Variants in ANKRD26 observed in about 807,000 individuals in gnomAD.
The protein encoded by ANKRD26 is ankyrin repeat domain-containing protein 26.
ANKRD26 carries 141 observed loss-of-function variants against 208.7 expected under a neutral mutation model. The observed-to-expected ratio is 0.68, with a 90% confidence interval of 0.59 to 0.78. The LOEUF is 0.78. Ranked by LOEUF, ANKRD26 falls within the 30% of genes least tolerant of loss-of-function variation. The pLI is 0.00. For missense variants in ANKRD26, 1,889 were observed against 1,938.7 expected, an observed-to-expected ratio of 0.97 and a Z score of 0.48; for synonymous variants, 636 against 660.4, an observed-to-expected ratio of 0.96 and a Z score of 0.57.
intron 25 of ANKRD26, among the ~76,000 whole-genome samples, chr10:27,030,798 A>G (rs929006415): frequency 3.9e-5 from 6 of 152,206 alleles, no homozygotes; most frequent in Non-Finnish European, 8.8e-5. Flanking sequence ...AAGCTTTATT[A>G]TATCAATGTC....
At chr10:26,951,902 G>A in the ANKRD26 span, among the ~76,000 whole-genome samples, 1 of 152,208 alleles carries the variant, frequency 6.6e-6, no homozygotes, top group Non-Finnish European at 1.5e-5. Context: ...CAACTTGCCT[G>A]CATGCATGAC....
chr10:27,056,936 T>C (rs1014536484), intron 15 of ANKRD26, among the ~76,000 whole-genome samples: 5 of 152,334 alleles, frequency 3.3e-5, no homozygotes, highest in South Asian at 2.1e-4. Context: ...TATTCTCTAA[T>C]AGAAACTAAG....
chr10:27,015,945 C>T (rs551665667), intron 30 of ANKRD26, among the ~76,000 whole-genome samples: 1 of 152,298 alleles, frequency 6.6e-6, no homozygotes, highest in African/African-American at 2.4e-5. Flanking sequence ...CACTCACACA[C>T]TCATATACCC....
chr10:27,017,353 A>G (rs1048653431), intron 30 of ANKRD26, 149 bp downstream of exon 30: 1 of 709,998 alleles, frequency 1.4e-6, no homozygotes, highest in Non-Finnish European at 2.3e-6. Flanking sequence ...GGAAACTGGA[A>G]TATCTAAAGG....
At position 27,035,159 on chromosome 10, in the gene ANKRD26, T is replaced by C. The variant is rs373964484; in HGVS notation, c.3291A>G (p.Val1097=). ...ACTGTGTTTGGCTTAGGTCCTTTTGTACCCGTTCTAAACCCAAAGTCTTTT... is the reference window on the plus strand; with the variant it reads ...ACTGTGTTTGGCTTAGGTCCTTTTGCACCCGTTCTAAACCCAAAGTCTTTT... The part of the protein sequence containing the change: ...LREKTLGLER[V]QKDLSQTQCQ... Residue 1097 remains valine (V), a synonymous_variant, in exon 24 of 34, where the codon GTA becomes GTG. Transcript: ENST00000376087. The C allele has an allele frequency of 1.9e-6, 3 of 1,613,924 alleles. No homozygotes were observed. The African/African-American group carries it at 4.0e-5, about 22-fold the overall frequency.
rs190939964 is a variant in ANKRD26, at chr10:27,093,198, A to G, written c.531+151T>C. On this transcript the variant is annotated intron_variant, in intron 3 of 33. Coordinates refer to ENST00000376087, the MANE Select transcript of ANKRD26 (RefSeq NM_014915.3). ...TGCTTCTTTAAAAGTATCAACATTT[A>G]AAGTAAAATCTTAGACAATTAAGTT... 7 of 761,478 alleles carry G rather than the reference A, an allele frequency of 9.2e-6. No individual in the cohort carries two copies. The Admixed American group carries it at 9.5e-5, about 10-fold the overall frequency. 47.2% of individuals were successfully genotyped at this position (761,478 alleles called of 1,614,324 possible).
intron 18 of ANKRD26, 69 bp from the exon 19 acceptor site, chr10:27,044,259 G>T (rs1024370534): frequency 2.3e-6 from 3 of 1,277,836 alleles, no homozygotes; most frequent in Admixed American, 2.4e-5. Flanking sequence ...TAAAACTATT[G>T]TTTTTTTAAA....
chr10:27,081,309 C>T (rs755183066), intron 6 of ANKRD26, among the ~76,000 whole-genome samples: 3 of 152,122 alleles, frequency 2.0e-5, no homozygotes, highest in East Asian at 1.9e-4. Flanking sequence ...TCCAAAAGCC[C>T]GGTTCCTATC....
the ANKRD26 span, among the ~76,000 whole-genome samples, chr10:26,965,926 C>T: frequency 6.6e-6 from 1 of 152,026 alleles, no homozygotes; most frequent in African/African-American, 2.4e-5. Context: ...ATCCAAATCA[C>T]AATGAGATAC....
chr10:26,961,132 G>T, the ANKRD26 span, among the ~76,000 whole-genome samples: 2 of 151,330 alleles, frequency 1.3e-5, no homozygotes, highest in African/African-American at 2.4e-5. Context: ...CAGGAGAATC[G>T]CTTGAACCTG....
chr10:27,032,232 C>T (rs1035990495), intron 25 of ANKRD26, among the ~76,000 whole-genome samples: 2 of 152,196 alleles, frequency 1.3e-5, no homozygotes, highest in Non-Finnish European at 2.9e-5. Context: ...GGTGCGGTGG[C>T]TCACATCTGT....
chr10:27,020,354 GCCCTGTGGTGCTATAGAAC>G (rs1035254254), intron 29 of ANKRD26, among the ~76,000 whole-genome samples: 7 of 151,722 alleles, frequency 4.6e-5, no homozygotes, highest in Middle Eastern at 3.4e-3. Context: ...AACTGTATTC[GCCCTGTGGTGCTATAGAAC>G]ACCGGAATGC....
At chr10:27,050,999 A>C in intron 16 of ANKRD26, 2 of 1,151,666 alleles carry the variant, frequency 1.7e-6, no homozygotes, top group South Asian at 3.2e-5. Flanking sequence ...GCAGAAAATC[A>C]GAATGGATCA....
At chr10:27,044,331 C>A in intron 18 of ANKRD26, 141 bp from the exon 19 acceptor site, 2 of 739,384 alleles carry the variant, frequency 2.7e-6, no homozygotes, top group Non-Finnish European at 3.9e-6. Context: ...ATCTTTTTTA[C>A]AGGTAATATA....
chr10:26,977,508 T>C (rs2052245043), intron 5 of ANKRD26, among the ~76,000 whole-genome samples: 1 of 152,236 alleles, frequency 6.6e-6, no homozygotes, highest in East Asian at 1.9e-4. Flanking sequence ...TGATATTTTG[T>C]TACATTTTGT....
chr10:27,000,905 G>C (rs1474251655), downstream of ANKRD26, among the ~76,000 whole-genome samples: 3 of 152,174 alleles, frequency 2.0e-5, no homozygotes, highest in African/African-American at 7.2e-5. Flanking sequence ...CTACTGGGGA[G>C]GCTGAGGCAG....
intron 5 of ANKRD26, chr10:26,994,950 A>C (rs2052557045): frequency 4.8e-6 from 2 of 414,138 alleles, no homozygotes; most frequent in Non-Finnish European, 9.9e-6. Flanking sequence ...GGGGAAGAGG[A>C]CTGGCTTCAA....
At chr10:26,964,498 A>G in the ANKRD26 span, among the ~76,000 whole-genome samples, 1 of 152,220 alleles carries the variant, frequency 6.6e-6, no homozygotes, top group Non-Finnish European at 1.5e-5. Context: ...ACTCCACCAC[A>G]GAGAGCTGTT....
chr10:27,007,947 G>C (rs1344749029), intron 32 of ANKRD26, among the ~76,000 whole-genome samples: 2 of 151,736 alleles, frequency 1.3e-5, no homozygotes, highest in South Asian at 2.1e-4. Flanking sequence ...TTCACAACTT[G>C]GTAGAATTAT....
Sources: allele counts gnomAD v4.1 joint callset (sites outside exome capture counted in the v4.1 genomes callset), GRCh38; gene constraint gnomAD v4.1.1; transcripts MANE v1.5; gene names NCBI Gene and HGNC (gene_info 2026-07-23, HGNC 2026-07-21).